ZFHX3: variants seen among roughly 807,000 people sequenced by gnomAD.
The protein encoded by ZFHX3 is zinc finger homeobox 3, also known as zinc finger homeobox protein 3.
Under a neutral mutation model 279.1 loss-of-function variants are expected in ZFHX3, and 42 were observed. The observed-to-expected ratio is 0.15, with a 90% confidence interval of 0.12 to 0.19. ZFHX3 has a LOEUF of 0.19. ZFHX3 is among the 10% of genes least tolerant of loss of function. The pLI is 1.00. For missense variants in ZFHX3, 4,981 were observed against 4,754.0 expected, an observed-to-expected ratio of 1.05 and a Z score of -1.40; for synonymous variants, 2,293 against 1,957.8, an observed-to-expected ratio of 1.17 and a Z score of -4.52.
intron 4 of ZFHX3, among the ~76,000 whole-genome samples, chr16:73,262,687 C>A: frequency 6.6e-6 from 1 of 152,160 alleles, no homozygotes; most frequent in East Asian, 1.9e-4. Flanking sequence ...CTTGCAGCTC[C>A]TCTTATCAAG....
chr16:72,802,334 A>G (rs1380264506), intron 7 of ZFHX3, among the ~76,000 whole-genome samples: 1 of 152,138 alleles, frequency 6.6e-6, no homozygotes, highest in Non-Finnish European at 1.5e-5. Flanking sequence ...GACTTTAATC[A>G]TAATTCCTGA....
At chr16:72,839,026 C>T (rs1422238081) in intron 4 of ZFHX3, among the ~76,000 whole-genome samples, 5 of 152,052 alleles carry the variant, frequency 3.3e-5, no homozygotes, top group East Asian at 1.9e-4. Flanking sequence ...CTGAAGTAAA[C>T]GGAATTCAGC....
chr16:73,233,555 G>C lies in ZFHX3; in HGVS notation c.-1104+23492C>G, dbSNP rs1029465256. Reference sequence around the variant, plus strand: ...GGAAATTAAGTTTTCCATTGGTTGGGTTTCTGGCAAACGTGCCAGGCGATC... The same window carrying C: ...GGAAATTAAGTTTTCCATTGGTTGGCTTTCTGGCAAACGTGCCAGGCGATC... On this transcript the variant is annotated intron_variant, in intron 5 of 17. Transcript: ENST00000641206. 2.6e-5 allele frequency among the ~76,000 whole-genome samples: 4 copies of C among 152,206 alleles called. No individual in the cohort carries two copies. The South Asian group carries it at 8.3e-4, about 32-fold the overall frequency.
intron 1 of ZFHX3, among the ~76,000 whole-genome samples, chr16:73,708,858 C>T (rs1034617803): frequency 6.6e-6 from 1 of 152,052 alleles, no homozygotes; most frequent in African/African-American, 2.4e-5. Flanking sequence ...AATGGGCTCT[C>T]GGAAGAATAG....
In ZFHX3 at chr16:72,796,751, T is replaced by C; in HGVS notation, c.5931A>G (p.Gly1977=). ...CACACTCGAGCTTTTCCAGGTTCTC[T>C]CCCTGGTCAGTCTTCCCATTCTTTT... ...VQKKNGKTDQ[G]ENLEKLECDS... Residue 1977 remains glycine (G), a synonymous_variant, in exon 9 of 10, where the codon GGA becomes GGG. Transcript: ENST00000268489. 1.2e-6 allele frequency: 2 copies of C among 1,613,790 alleles called. No individual in the cohort carries two copies.
chr16:73,797,132 G>C (rs967795839), intron 1 of ZFHX3, among the ~76,000 whole-genome samples: 1 of 152,068 alleles, frequency 6.6e-6, no homozygotes, highest in East Asian at 1.9e-4. Flanking sequence ...GAACCCAGGA[G>C]GCAGAGGTGG....
At chr16:73,340,360 T>G (rs1187111371) in intron 3 of ZFHX3, among the ~76,000 whole-genome samples, 2 of 152,302 alleles carry the variant, frequency 1.3e-5, no homozygotes, top group East Asian at 3.9e-4. Flanking sequence ...TGATCTTATT[T>G]ATTTATTTAC....
chr16:73,047,532 G>C (rs1021562661), intron 1 of ZFHX3, among the ~76,000 whole-genome samples: 2 of 152,160 alleles, frequency 1.3e-5, no homozygotes, highest in African/African-American at 2.4e-5. Context: ...GGAGGACAGA[G>C]GGAAGGGAAG....
chr16:73,619,414 G>A (rs2052335725), intron 2 of ZFHX3, among the ~76,000 whole-genome samples: 1 of 151,706 alleles, frequency 6.6e-6, no homozygotes, highest in African/African-American at 2.4e-5. Flanking sequence ...CATGAACCCG[G>A]GAGGCAGAGC....
chr16:73,039,957 A>C (rs1021362415), intron 1 of ZFHX3, among the ~76,000 whole-genome samples: 3 of 152,200 alleles, frequency 2.0e-5, no homozygotes, highest in Non-Finnish European at 4.4e-5. Flanking sequence ...GGAAATGAAA[A>C]TACTACTAAT....
At chr16:72,838,457 T>C (rs935826331) in intron 4 of ZFHX3, among the ~76,000 whole-genome samples, 1 of 152,120 alleles carries the variant, frequency 6.6e-6, no homozygotes, top group Non-Finnish European at 1.5e-5. Context: ...CACCTCCAAC[T>C]TGAGCATTGA....
intron 1 of ZFHX3, among the ~76,000 whole-genome samples, chr16:73,837,598 T>C (rs375872394): frequency 2.0e-5 from 3 of 152,050 alleles, no homozygotes; most frequent in African/African-American, 7.3e-5. Context: ...CTGAATTATA[T>C]TTCTATTTCC....
chr16:72,934,656 T>G (rs891068621), intron 3 of ZFHX3, among the ~76,000 whole-genome samples: 2 of 148,006 alleles, frequency 1.4e-5, no homozygotes, highest in Non-Finnish European at 3.0e-5. Flanking sequence ...GTGTGGCTGC[T>G]CCCTCCCTTC....
chr16:73,871,052 G>A (rs1292048276), intron 1 of ZFHX3, among the ~76,000 whole-genome samples: 2 of 152,152 alleles, frequency 1.3e-5, no homozygotes, highest in Admixed American at 6.5e-5. Context: ...AGAGACTTTC[G>A]TGGGTCAGAC....
intron 3 of ZFHX3, among the ~76,000 whole-genome samples, chr16:72,908,274 A>C (rs193211648): frequency 7.2e-5 from 11 of 152,332 alleles, no homozygotes; most frequent in Admixed American, 7.2e-4. Context: ...CGTGGAGAAG[A>C]GGGAGGACTG....
At chr16:73,782,150 G>A (rs927861252) in intron 1 of ZFHX3, among the ~76,000 whole-genome samples, 3 of 152,292 alleles carry the variant, frequency 2.0e-5, no homozygotes, top group Non-Finnish European at 4.4e-5. Context: ...AGCTGGCTCT[G>A]TACAAAGTTA....
intron 3 of ZFHX3, among the ~76,000 whole-genome samples, chr16:73,356,838 CTT>C (rs779785366): frequency 2.1e-5 from 3 of 141,250 alleles, no homozygotes; most frequent in East Asian, 2.0e-4. Context: ...CACCTGAGGG[CTT>C]TTTTTTTTTT....
At chr16:73,258,829 C>G (rs77968468) in intron 4 of ZFHX3, among the ~76,000 whole-genome samples, 1 of 152,140 alleles carries the variant, frequency 6.6e-6, no homozygotes, top group Admixed American at 6.5e-5. Context: ...AATTCTTTCT[C>G]TCTCACTTCT....
chr16:72,930,312 G>T (rs1959715658), intron 3 of ZFHX3, among the ~76,000 whole-genome samples: 1 of 152,082 alleles, frequency 6.6e-6, no homozygotes, highest in Admixed American at 6.5e-5. Context: ...CCAAGGGAGG[G>T]GAGCGGCATC....
Sources: gnomAD v4.1 joint callset for allele counts (sites outside exome capture counted in the v4.1 genomes callset) on GRCh38, gnomAD v4.1.1 for gene constraint, MANE v1.5 for transcripts, NCBI Gene and HGNC (gene_info 2026-07-23, HGNC 2026-07-21) for gene names.